GGNBP2: variants seen among roughly 807,000 people sequenced by gnomAD.
GGNBP2 encodes the protein gametogenetin binding protein 2.
Under a neutral mutation model 85.9 loss-of-function variants are expected in GGNBP2, and 10 were observed. That is an observed-to-expected ratio of 0.12 (90% CI 0.07 to 0.20). The LOEUF (loss-of-function observed/expected upper bound fraction) is 0.20, where lower values mean the gene tolerates loss of function less well. Among genes scored for constraint, GGNBP2 ranks in the 10% least tolerant of loss-of-function variants. The pLI is 1.00. For synonymous variants in GGNBP2, 287 were observed against 285.7 expected (o/e 1.00, Z -0.05); for missense variants, 595 against 857.8 (o/e 0.69, Z 3.83).
chr17:36,553,218 A>C (rs1599500595), intron 2 of GGNBP2, among the ~76,000 whole-genome samples: 1 of 152,212 alleles, frequency 6.6e-6, no homozygotes, highest in African/African-American at 2.4e-5. Context: ...GCCACATCTA[A>C]TATGTTTTCC....
intron 6 of GGNBP2, chr17:36,575,248 G>A (rs1230236532): frequency 4.8e-6 from 3 of 622,534 alleles, no homozygotes; most frequent in East Asian, 3.2e-5. Flanking sequence ...TGCCACTGCC[G>A]AAACCTCCAC....
chr17:36,559,269 C>T (rs1207885248), intron 4 of GGNBP2, among the ~76,000 whole-genome samples: 4 of 126,100 alleles, frequency 3.2e-5, no homozygotes, highest in Non-Finnish European at 6.2e-5. Flanking sequence ...TGCAGTCCAG[C>T]GTGGGCAACA....
At chr17:36,570,078 T>G (rs568182804) in intron 6 of GGNBP2, among the ~76,000 whole-genome samples, 5 of 152,216 alleles carry the variant, frequency 3.3e-5, no homozygotes, top group Admixed American at 6.5e-5. Flanking sequence ...AATTTTTGTC[T>G]TCTTTAAAAC....
rs749333648 is a variant in GGNBP2, at chr17:36,554,539, A to G, written c.94-281A>G. Among the ~76,000 whole-genome samples, 3 of 151,246 alleles carry G rather than the reference A, an allele frequency of 2.0e-5. No individual in the cohort carries two copies. The South Asian group carries it at 6.3e-4, about 32-fold the overall frequency. ...TGCGCCACCAAACCTGCCTAATTTT[A>G]TGTATTTAGTAGAGATGGGGTTTCT... On this transcript the variant is annotated intron_variant, in intron 2 of 13. Transcript: ENST00000613102.
At position 36,564,034 on chromosome 17, in the gene GGNBP2, G is replaced by A. The variant is rs140725274; in HGVS notation, c.527+3163G>A. Reference sequence around the variant, plus strand: ...GTTGGGATTAACAGGCGTGAGCCACGGCGCCTGGCCCAATTTGTCAGTATC... The same window carrying A: ...GTTGGGATTAACAGGCGTGAGCCACAGCGCCTGGCCCAATTTGTCAGTATC... On this transcript the variant is annotated intron_variant, in intron 5 of 13. Coordinates refer to ENST00000613102, the MANE Select transcript of GGNBP2 (RefSeq NM_024835.5). Among the ~76,000 whole-genome samples, 289 of 152,152 alleles carry A rather than the reference G, an allele frequency of 1.9e-3. No homozygotes were observed. In the Middle Eastern group the frequency reaches 0.024, roughly 13 times the overall value.
chr17:36,556,755 T>C (rs2074365732), intron 3 of GGNBP2, among the ~76,000 whole-genome samples: 1 of 114,848 alleles, frequency 8.7e-6, no homozygotes, highest in Non-Finnish European at 1.7e-5. Context: ...ATTGTGCTTT[T>C]TTTTTTTTTT....
At chr17:36,578,382 G>A in intron 7 of GGNBP2, 196 bp downstream of exon 7, 1 of 524,948 alleles carries the variant, frequency 1.9e-6, no homozygotes, top group South Asian at 3.1e-5. Context: ...GTTCTCTGGT[G>A]TTTGGTTCAG....
At position 36,557,191 on chromosome 17, in the gene GGNBP2, A is replaced by G; in HGVS notation, c.283A>G (p.Ser95Gly). Residue 95 changes from serine to glycine, a missense_variant, in exon 4 of 14, where the codon AGT becomes GGT. This residue lies in a region of GGNBP2 where 216 missense variants were observed against 293.4 expected (regional missense o/e 0.74). Transcript: ENST00000613102. ...TGTCCCATGTGTTGGTTGTCGTCGC[A>G]GTGTGGAGCGTCTCTTTTCCCAGCT... is the stretch of plus-strand genomic sequence containing the variant. ...QLVPCVGCRR[S>G]VERLFSQLVE... 6.2e-7 allele frequency: 1 copy of G among 1,614,054 alleles called. No homozygotes were observed. Among genetic ancestry groups the G allele is most frequent in the Non-Finnish European group, 8.5e-7 (1 of 1,180,020 alleles).
intron 6 of GGNBP2, among the ~76,000 whole-genome samples, chr17:36,573,269 C>T (rs1567828225): frequency 6.6e-6 from 1 of 152,078 alleles, no homozygotes; most frequent in African/African-American, 2.4e-5. Context: ...CACACCACCA[C>T]ACCTGGCTAA....
chr17:36,557,029 T>C (rs1483196500), intron 3 of GGNBP2, 54 bp from the exon 4 acceptor site: 1 of 1,603,956 alleles, frequency 6.2e-7, no homozygotes. Flanking sequence ...GTAGTGAAAG[T>C]GTAATTTTAC....
chr17:36,563,589 G>GTTT (rs199777252), intron 5 of GGNBP2, among the ~76,000 whole-genome samples: 36 of 129,656 alleles, frequency 2.8e-4, no homozygotes, highest in African/African-American at 5.8e-4. Flanking sequence ...CCTGTTTCTG[G>GTTT]TTTTTTTTTT....
intron 13 of GGNBP2, among the ~76,000 whole-genome samples, chr17:36,588,205 T>G (rs1372571142): frequency 6.6e-6 from 1 of 152,218 alleles, no homozygotes; most frequent in Non-Finnish European, 1.5e-5. Flanking sequence ...AGAAGAGTGG[T>G]GTCCTTTTCA....
intron 2 of GGNBP2, among the ~76,000 whole-genome samples, chr17:36,550,402 ATG>A (rs1384063030): frequency 6.6e-6 from 1 of 152,226 alleles, no homozygotes; most frequent in Non-Finnish European, 1.5e-5. Context: ...CTTTAAAAAA[ATG>A]ATAAATGGTG....
intron 6 of GGNBP2, among the ~76,000 whole-genome samples, chr17:36,571,708 T>C (rs2074526527): frequency 6.6e-6 from 1 of 152,132 alleles, no homozygotes; most frequent in African/African-American, 2.4e-5. Context: ...CCGGGCTTGA[T>C]GGCGGGCGCC....
intron 6 of GGNBP2, among the ~76,000 whole-genome samples, chr17:36,575,836 G>C (rs1457280456): frequency 6.7e-6 from 1 of 149,600 alleles, no homozygotes; most frequent in Non-Finnish European, 1.5e-5. Flanking sequence ...TAGTAGAGAC[G>C]GGGTTTCACC....
intron 6 of GGNBP2, among the ~76,000 whole-genome samples, chr17:36,570,855 A>G (rs1203743037): frequency 6.6e-6 from 1 of 151,890 alleles, no homozygotes; most frequent in Non-Finnish European, 1.5e-5. Context: ...ACCCCTCTCT[A>G]CTGAAAATAC....
intron 3 of GGNBP2, among the ~76,000 whole-genome samples, chr17:36,555,383 A>G (rs1037938074): frequency 1.1e-4 from 17 of 152,348 alleles, no homozygotes; most frequent in Admixed American, 6.5e-5. Context: ...ACCAAAATCC[A>G]CAATGCTTAT....
intron 9 of GGNBP2, 89 bp from the exon 10 acceptor site, chr17:36,585,211 T>A: frequency 8.9e-7 from 1 of 1,119,662 alleles, no homozygotes; most frequent in Non-Finnish European, 1.3e-6. Context: ...CATCTTACTA[T>A]TAGGATGAAA....
intron 6 of GGNBP2, chr17:36,575,370 A>G (rs2074566558): frequency 6.2e-6 from 2 of 322,212 alleles, no homozygotes; most frequent in African/African-American, 2.2e-5. Flanking sequence ...TTTGTTGTGC[A>G]TGTGTGCTTT....
Sources: gnomAD v4.1 joint callset for allele counts (sites outside exome capture counted in the v4.1 genomes callset) on GRCh38, gnomAD v4.1.1 for gene constraint, gnomAD v4.1.1 regional missense constraint, MANE v1.5 for transcripts, NCBI Gene and HGNC (gene_info 2026-07-23, HGNC 2026-07-21) for gene names.